Variants in PTPN1 observed in about 807,000 individuals in gnomAD.
The protein encoded by PTPN1 is protein tyrosine phosphatase non-receptor type 1.
A neutral mutation model predicts 59.9 loss-of-function variants in PTPN1; 12 were observed. The ratio of observed to expected loss-of-function variants is 0.20; its 90% CI spans 0.13 to 0.32. The LOEUF (loss-of-function observed/expected upper bound fraction) is 0.32, where lower values mean the gene tolerates loss of function less well. Ranked by LOEUF, PTPN1 falls within the 10% of genes least tolerant of loss-of-function variation. PTPN1 has a pLI of 1.00. For synonymous variants in PTPN1, 178 were observed against 203.6 expected (o/e 0.87, Z 1.07); for missense variants, 356 against 549.2 (o/e 0.65, Z 3.52).
Position 50,574,501 on chromosome 20 carries a change from T to C in PTPN1, c.355-16T>C, listed in dbSNP as rs1263745225. 3 of 1,579,520 alleles carry C rather than the reference T, an allele frequency of 1.9e-6. No individual in the cohort carries two copies. The highest frequency in any genetic ancestry group is 8.6e-7 in the Non-Finnish European group (1 of 1,168,640). On this transcript the variant is annotated splice_polypyrimidine_tract_variant and intron_variant, in intron 4 of 9. Transcript: ENST00000371621. ...CCATATTGCTCACAATAATTCACTATTATTTGTTTCCCCAGTTAAAATGCG... is the reference window on the plus strand; with the variant it reads ...CCATATTGCTCACAATAATTCACTACTATTTGTTTCCCCAGTTAAAATGCG...
rs2082885320 is a variant in PTPN1 at position 50,584,200 on chromosome 20, G to A, written c.*1485G>A. 1 of 152,626 alleles carries A rather than the reference G, an allele frequency of 6.6e-6. No individual in the cohort carries two copies. Among genetic ancestry groups the A allele is most frequent in the South Asian group, 2.1e-4 (1 of 4,822 alleles). 9.5% of individuals were successfully genotyped at this position (152,626 alleles called of 1,614,324 possible). ...CATTTTCACATTTTGCCTTTCTCGT[G>A]GTAGAAGCCAGTACAGAGAAATTCT... On this transcript the variant is annotated 3_prime_UTR_variant, in exon 10 of 10. Transcript: ENST00000371621.
At chr20:50,547,524 C>T (rs966680363) in intron 1 of PTPN1, among the ~76,000 whole-genome samples, 7 of 152,124 alleles carry the variant, frequency 4.6e-5, no homozygotes, top group Non-Finnish European at 7.4e-5. Context: ...CCACCACGCC[C>T]GGCTAATTTT....
intron 2 of PTPN1, 67 bp downstream of exon 2, chr20:50,561,520 C>G (rs575367380): frequency 6.1e-6 from 6 of 981,518 alleles, no homozygotes; most frequent in Non-Finnish European, 9.3e-6. Flanking sequence ...AGTCAAGACT[C>G]CTTTCGCCTC....
At chr20:50,521,815 C>T (rs536452170) in intron 1 of PTPN1, among the ~76,000 whole-genome samples, 2 of 152,290 alleles carry the variant, frequency 1.3e-5, no homozygotes, top group South Asian at 2.1e-4. Context: ...AAAATCACAC[C>T]GTCTGAGCTT....
intron 1 of PTPN1, chr20:50,558,049 C>T (rs1355276049): frequency 6.6e-6 from 1 of 152,180 alleles, no homozygotes; most frequent in Non-Finnish European, 1.5e-5. Context: ...TGTCCAGACT[C>T]ATCTCAAACT....
intron 1 of PTPN1, among the ~76,000 whole-genome samples, chr20:50,527,916 T>C (rs1166826481): frequency 2.0e-5 from 3 of 152,216 alleles, no homozygotes; most frequent in African/African-American, 7.2e-5. Context: ...TCTGCTGCTT[T>C]CATTTAGCCC....
At chr20:50,573,570 T>G (rs1291387254) in intron 4 of PTPN1, 1 of 152,250 alleles carries the variant, frequency 6.6e-6, no homozygotes, top group Non-Finnish European at 1.5e-5. Flanking sequence ...AGTGGGTCAG[T>G]GCACGTGAAC....
chr20:50,564,835 C>G, intron 2 of PTPN1, 134 bp from the exon 3 acceptor site: 1 of 1,395,730 alleles, frequency 7.2e-7, no homozygotes, highest in Non-Finnish European at 9.6e-7. Flanking sequence ...CTAATCTCAA[C>G]TAAAACAGGG....
intron 1 of PTPN1, among the ~76,000 whole-genome samples, chr20:50,519,354 CT>C (rs200269991): frequency 3.9e-5 from 6 of 152,012 alleles, no homozygotes; most frequent in African/African-American, 4.8e-5. Context: ...AACCCAGTGC[CT>C]TTTTTTTACC....
intron 1 of PTPN1, chr20:50,558,059 T>A (rs1315130569): frequency 6.6e-6 from 1 of 152,260 alleles, no homozygotes; most frequent in African/African-American, 2.4e-5. Context: ...CATCTCAAAC[T>A]TCTCAGCTCA....
chr20:50,578,496 C>T lies in PTPN1; in HGVS notation c.569C>T (p.Ser190Leu). The change falls in exon 6 of 10, where the codon TCA (serine) becomes TTA (leucine). Residue 190 changes from serine to leucine, a missense_variant. Ser to Leu is a moderately radical substitution (Grantham distance 145). Coordinates refer to ENST00000371621, the MANE Select transcript of PTPN1 (RefSeq NM_002827.4). ...TTTGGAGTCCCTGAATCACCAGCCT[C>T]ATTCTTGAACTTTCTTTTCAAAGTC... is the stretch of plus-strand genomic sequence containing the variant. ...PDFGVPESPA[S>L]FLNFLFKVRE... The T allele has an allele frequency of 6.2e-7, 1 of 1,614,244 alleles. No individual in the cohort carries two copies. Among genetic ancestry groups the T allele is most frequent in the Non-Finnish European group, 8.5e-7 (1 of 1,180,030 alleles).
chr20:50,551,254 A>C (rs1257620206), intron 1 of PTPN1, among the ~76,000 whole-genome samples: 1 of 152,234 alleles, frequency 6.6e-6, no homozygotes, highest in Non-Finnish European at 1.5e-5. Context: ...AGGAAGAGCT[A>C]TAAAAACTAT....
chr20:50,562,802 C>G (rs1385146900), intron 2 of PTPN1, among the ~76,000 whole-genome samples: 1 of 152,204 alleles, frequency 6.6e-6, no homozygotes, highest in Non-Finnish European at 1.5e-5. Context: ...GACCGCTGAT[C>G]AACACGCAAC....
chr20:50,580,156 G>A (rs2082859316), intron 8 of PTPN1, among the ~76,000 whole-genome samples: 1 of 152,188 alleles, frequency 6.6e-6, no homozygotes, highest in Non-Finnish European at 1.5e-5. Flanking sequence ...TGGGCTTCTA[G>A]TGCCACCTTG....
intron 1 of PTPN1, among the ~76,000 whole-genome samples, chr20:50,554,380 A>ATTCTCCCTCTCTCTCTCTC (rs11481722): frequency 2.1e-5 from 3 of 140,200 alleles, no homozygotes; most frequent in Non-Finnish European, 1.5e-5. Flanking sequence ...GCAAGACCAC[A>ATTCTCCCTCTCTCTCTCTC]TCTCTCTCTC....
chr20:50,574,241 C>T (rs774887374), intron 4 of PTPN1: 8 of 403,568 alleles, frequency 2.0e-5, no homozygotes, highest in African/African-American at 1.3e-4. Context: ...GGTGAGAAAG[C>T]GTCAGAGCCC....
Position 50,582,843 on chromosome 20 carries a change from C to A in PTPN1, c.*128C>A. On this transcript the variant is annotated 3_prime_UTR_variant, in exon 10 of 10. Transcript: ENST00000371621. This position sits in a 1 kb window ranked among gnomAD's most constrained non-coding sequence, Gnocchi z 4.2. ...CGTAGAGAGCCGGGCCCCGGACGGACGTTGGTTCTGCACTAAAACCCATCT... is the reference window on the plus strand; with the variant it reads ...CGTAGAGAGCCGGGCCCCGGACGGAAGTTGGTTCTGCACTAAAACCCATCT... 4 of 1,171,634 alleles carry A rather than the reference C, an allele frequency of 3.4e-6. No homozygotes were observed. Among genetic ancestry groups the A allele is most frequent in the Non-Finnish European group, 4.9e-6 (4 of 811,088 alleles). The allele number at this position is 1,171,634 out of a possible 1,614,324, so 72.6% of individuals were successfully genotyped here. A position where few individuals can be genotyped will look rare whatever the true frequency, so the allele number is the denominator to read the frequency against.
intron 1 of PTPN1, among the ~76,000 whole-genome samples, chr20:50,519,196 G>T (rs533931811): frequency 2.1e-4 from 32 of 152,160 alleles, no homozygotes; most frequent in Admixed American, 5.9e-4. Context: ...GTGCACAGTG[G>T]TATTGGTAGG....
chr20:50,578,872 G>A (rs2082850673), intron 6 of PTPN1, among the ~76,000 whole-genome samples: 1 of 152,226 alleles, frequency 6.6e-6, no homozygotes, highest in Non-Finnish European at 1.5e-5. Context: ...GGCTCCTGGG[G>A]AGGCCTCAGG....
Sources: allele counts gnomAD v4.1 joint callset (sites outside exome capture counted in the v4.1 genomes callset), GRCh38; gene constraint gnomAD v4.1.1; non-coding constraint Gnocchi (gnomAD v3.1); transcripts MANE v1.5; gene names NCBI Gene and HGNC (gene_info 2026-07-23, HGNC 2026-07-21).